DOCK7: variants seen among roughly 807,000 people sequenced by gnomAD.
DOCK7 encodes the protein dedicator of cytokinesis protein 7.
DOCK7 carries 138 observed loss-of-function variants against 271.0 expected under a neutral mutation model. That is an observed-to-expected ratio of 0.51 (90% CI 0.44 to 0.59). DOCK7 has a LOEUF of 0.59. DOCK7 is among the 20% of genes least tolerant of loss of function. DOCK7 has a pLI of 0.00. For synonymous variants in DOCK7, 823 were observed against 876.1 expected (o/e 0.94, Z 1.07); for missense variants, 2,066 against 2,592.4 (o/e 0.80, Z 4.41).
Position 62,648,192 on chromosome 1 carries a change from T to A in DOCK7, c.646A>T (p.Asn216Tyr). ...TCATTCTGACGGTCTATTTCTTCAT[T>A]TGGAGTTCGATCAAGTAAATTGGGA... ...LLPNLLDRTP[N>Y]EEIDRQNDDQ... Residue 216 changes from asparagine to tyrosine, a missense_variant, in exon 6 of 50, where the codon AAT becomes TAT. Around this residue, in one of 2 missense-constraint regions of DOCK7, gnomAD observed 1,414 missense variants for 1,670.4 expected, o/e 0.85. Transcript: ENST00000635253. The A allele has an allele frequency of 6.2e-7, 1 of 1,613,734 alleles. No individual in the cohort carries two copies. Among genetic ancestry groups the A allele is most frequent in the Non-Finnish European group, 8.5e-7 (1 of 1,179,774 alleles).
chr1:62,639,202 T>G (rs1655666235), intron 7 of DOCK7, among the ~76,000 whole-genome samples: 1 of 152,108 alleles, frequency 6.6e-6, no homozygotes. Context: ...TTTGGCCCTT[T>G]GTATTTTCAT....
At chr1:62,676,268 G>C (rs1345252278) in intron 1 of DOCK7, among the ~76,000 whole-genome samples, 2 of 152,184 alleles carry the variant, frequency 1.3e-5, no homozygotes, top group African/African-American at 2.4e-5. Flanking sequence ...AAAGCCACCA[G>C]ATATAAAAGG....
At chr1:62,592,740 T>C (rs999748391) in intron 14 of DOCK7, among the ~76,000 whole-genome samples, 5 of 152,086 alleles carry the variant, frequency 3.3e-5, no homozygotes, top group Non-Finnish European at 7.4e-5. Flanking sequence ...TTTATCAACA[T>C]TTTTTGCCTT....
intron 29 of DOCK7, among the ~76,000 whole-genome samples, chr1:62,531,058 C>T (rs950497322): frequency 5.3e-5 from 8 of 152,192 alleles, no homozygotes; most frequent in African/African-American, 1.7e-4. Context: ...ATCTCATTCT[C>T]CAGCTCCACT....
At chr1:62,666,778 T>C (rs766411731) in intron 1 of DOCK7, among the ~76,000 whole-genome samples, 10 of 152,238 alleles carry the variant, frequency 6.6e-5, no homozygotes, top group Non-Finnish European at 8.8e-5. Context: ...TTCCTTCTAA[T>C]GAACCATTAA....
At chr1:62,583,138 C>A in intron 16 of DOCK7, 46 bp downstream of exon 16, 4 of 1,469,746 alleles carry the variant, frequency 2.7e-6, no homozygotes, top group Non-Finnish European at 3.8e-6. Context: ...GCTAACAATG[C>A]CACTGAGAAG....
In DOCK7 at chr1:62,535,492, C is replaced by A. The variant is rs1239867115; in HGVS notation, c.3611+1G>T. On this transcript the variant is annotated splice_donor_variant, in intron 29 of 49. Transcript: ENST00000635253. LOFTEE classifies it high-confidence loss of function. Reference sequence around the variant, plus strand: ...TACAAGGTAAAAACTAGTGTACTCACCCTTCAGCATCAGGGTCTAAAATGA... The same window carrying A: ...TACAAGGTAAAAACTAGTGTACTCAACCTTCAGCATCAGGGTCTAAAATGA... 2 of 1,613,136 alleles carry A rather than the reference C, an allele frequency of 1.2e-6. No individual in the cohort carries two copies. The highest frequency in any genetic ancestry group is 1.7e-6 in the Non-Finnish European group (2 of 1,179,570).
chr1:62,546,909 T>C (rs1326196036), intron 22 of DOCK7, among the ~76,000 whole-genome samples: 1 of 152,116 alleles, frequency 6.6e-6, no homozygotes, highest in Non-Finnish European at 1.5e-5. Flanking sequence ...AGTGTAAAGT[T>C]CTTCCTACCA....
intron 47 of DOCK7, among the ~76,000 whole-genome samples, chr1:62,474,667 C>G (rs556708721): frequency 6.6e-6 from 1 of 152,278 alleles, no homozygotes; most frequent in Non-Finnish European, 1.5e-5. Context: ...AGACATGGTA[C>G]AGGAAATCTT....
intron 28 of DOCK7, 63 bp downstream of exon 28, chr1:62,537,828 T>G (rs1481596084): frequency 1.4e-6 from 2 of 1,441,312 alleles, no homozygotes; most frequent in Non-Finnish European, 1.9e-6. Flanking sequence ...TTTTTTCCAT[T>G]GTTTAAAACT....
chr1:62,616,504 C>T lies in DOCK7; in HGVS notation c.1682+2202G>A, dbSNP rs949553588. ...ACCAATGAGAAATTTTATTTTTATT[C>T]AAATTATATATAATTATGAATGCTG... On this transcript the variant is annotated intron_variant, in intron 14 of 49. Coordinates refer to ENST00000635253, the MANE Select transcript of DOCK7 (RefSeq NM_001367561.1). 1.1e-4 allele frequency among the ~76,000 whole-genome samples: 16 copies of T among 151,778 alleles called. No homozygotes were observed. In the South Asian group the frequency reaches 3.3e-3, roughly 31 times the overall value.
chr1:62,678,137 A>T (rs1660733346), intron 1 of DOCK7, among the ~76,000 whole-genome samples: 1 of 152,184 alleles, frequency 6.6e-6, no homozygotes, highest in Non-Finnish European at 1.5e-5. Flanking sequence ...CAAAAAAGTA[A>T]ATAAAAACTA....
chr1:62,648,268 G>A lies in DOCK7; in HGVS notation c.570C>T (p.Ser190=), dbSNP rs1179613510. The change falls in exon 6 of 50, where the codon AGC becomes AGT. Residue 190 remains serine, a synonymous_variant. Coordinates refer to ENST00000635253, the MANE Select transcript of DOCK7 (RefSeq NM_001367561.1). ...SMSIDDTPRG[S]WACSIFDLKN... ...TCAAGTCAAAGATACTACAGGCCCA[G>A]CTACCCCTTGGGGTATCATCTATTG... 2 of 1,613,374 alleles carry A rather than the reference G, an allele frequency of 1.2e-6. No homozygotes were observed. Among genetic ancestry groups the A allele is most frequent in the Non-Finnish European group, 1.7e-6 (2 of 1,179,682 alleles).
At chr1:62,624,344 C>T (rs1653666851) in intron 12 of DOCK7, among the ~76,000 whole-genome samples, 1 of 152,070 alleles carries the variant, frequency 6.6e-6, no homozygotes, top group African/African-American at 2.4e-5. Flanking sequence ...TGGGTGTCAT[C>T]TACTAAGCTA....
chr1:62,639,247 C>G (rs1399516834), intron 7 of DOCK7, among the ~76,000 whole-genome samples: 2 of 151,778 alleles, frequency 1.3e-5, no homozygotes. Flanking sequence ...TAAACAAAAG[C>G]AAATCAAAGT....
rs142394064 is a variant in DOCK7 at position 62,542,129 on chromosome 1, C to T, written c.3045+479G>A. Among the ~76,000 whole-genome samples the T allele has an allele frequency of 6.0e-4, 91 of 152,184 alleles. 1 individual carries two copies. Among genetic ancestry groups the T allele is most frequent in the African/African-American group, 2.1e-3 (86 of 41,554 alleles). On this transcript the variant is annotated intron_variant, in intron 25 of 49. Coordinates refer to ENST00000635253, the MANE Select transcript of DOCK7 (RefSeq NM_001367561.1). ...CTGATCTCAAGTGATCCTCCTGCCT[C>T]GGCCTTCTAAAGTGCTGAGATTACA...
chr1:62,671,622 TA>T (rs1165478240), intron 1 of DOCK7, among the ~76,000 whole-genome samples: 1 of 152,046 alleles, frequency 6.6e-6, no homozygotes, highest in African/African-American at 2.4e-5. Context: ...TCTAACTGAT[TA>T]AAAGGGAAGA....
At position 62,648,530 on chromosome 1, in the gene DOCK7, C is replaced by T; in HGVS notation, c.404G>A (p.Gly135Glu). 1 of 1,348,518 alleles carries T rather than the reference C, an allele frequency of 7.4e-7. No homozygotes were observed. The allele number at this position is 1,348,518 out of a possible 1,614,324, so 83.5% of individuals were successfully genotyped here. Reference sequence around the variant, plus strand: ...TAATGTATTGGGATTAAATCCTGTTCCCAATTTATGATATCTATTAAAGAA... The same window carrying T: ...TAATGTATTGGGATTAAATCCTGTTTCCAATTTATGATATCTATTAAAGAA... ...AIVIRKYHKL[G>E]TGFNPNTLDK... The change falls in exon 5 of 50, where the codon GGA (glycine) becomes GAA (glutamate). Residue 135 changes from glycine to glutamate, a missense_variant. By Grantham distance (98) the Gly-to-Glu change is moderately conservative. Transcript: ENST00000635253.
chr1:62,648,923 AG>A (rs1657003220), intron 4 of DOCK7, among the ~76,000 whole-genome samples: 1 of 152,122 alleles, frequency 6.6e-6, no homozygotes, highest in African/African-American at 2.4e-5. Context: ...AAATTTTAAA[AG>A]GTTATATACA....
Sources: gnomAD v4.1 joint callset for allele counts (sites outside exome capture counted in the v4.1 genomes callset) on GRCh38, gnomAD v4.1.1 for gene constraint, gnomAD v4.1.1 regional missense constraint, MANE v1.5 for transcripts, NCBI Gene and HGNC (gene_info 2026-07-23, HGNC 2026-07-21) for gene names.